Variants in MAPK10 observed in about 807,000 individuals in gnomAD.
MAPK10 encodes mitogen-activated protein kinase 10, also known as JNK3 alpha protein kinase.
Under a neutral mutation model 59.3 loss-of-function variants are expected in MAPK10, and 25 were observed. The observed-to-expected ratio is 0.42, with a 90% CI of 0.31 to 0.59. The LOEUF (loss-of-function observed/expected upper bound fraction) is 0.59, where lower values mean the gene tolerates loss of function less well. MAPK10 is among the 20% of genes least tolerant of loss of function. The pLI is 0.15. For missense variants in MAPK10, 351 were observed against 568.9 expected (o/e 0.62, Z 3.90); for synonymous variants, 190 against 200.5 (o/e 0.95, Z 0.44).
chr4:86,045,459 G>T (rs1047075058), intron 11 of MAPK10, among the ~76,000 whole-genome samples: 5 of 152,006 alleles, frequency 3.3e-5, no homozygotes, highest in African/African-American at 7.2e-5. Context: ...TCAATTATTA[G>T]CTTCTAAACA....
At chr4:86,286,433 T>A (rs572311479) in intron 2 of MAPK10, among the ~76,000 whole-genome samples, 1 of 152,270 alleles carries the variant, frequency 6.6e-6, no homozygotes, top group South Asian at 2.1e-4. Flanking sequence ...TAATAATAAT[T>A]ACAAATAACA....
At chr4:86,063,366 C>T (rs1419520111) in intron 11 of MAPK10, among the ~76,000 whole-genome samples, 2 of 152,204 alleles carry the variant, frequency 1.3e-5, no homozygotes, top group East Asian at 3.9e-4. Context: ...AGATTAAGAA[C>T]AAATCCAAAC....
intron 9 of MAPK10, among the ~76,000 whole-genome samples, chr4:86,070,812 T>C (rs1184632743): frequency 3.9e-5 from 6 of 152,022 alleles, no homozygotes; most frequent in Non-Finnish European, 1.5e-5. Context: ...TTGGGTTGGT[T>C]CCAAGTCTTT....
At chr4:86,502,134 T>C (rs1447063247) in intron 1 of MAPK10, among the ~76,000 whole-genome samples, 1 of 152,060 alleles carries the variant, frequency 6.6e-6, no homozygotes, top group African/African-American at 2.4e-5. Context: ...TTCTTCTGCC[T>C]CTTTAACGGC....
intron 3 of MAPK10, among the ~76,000 whole-genome samples, chr4:86,169,954 AGCC>A (rs1407510417): frequency 2.0e-5 from 3 of 152,224 alleles, no homozygotes. Context: ...TTTCATATCC[AGCC>A]AAACTAAGCT....
At chr4:86,252,256 G>C (rs2093480224) in intron 2 of MAPK10, among the ~76,000 whole-genome samples, 1 of 127,288 alleles carries the variant, frequency 7.9e-6, no homozygotes, top group Non-Finnish European at 1.6e-5. Context: ...CCACGCCTAT[G>C]TCCTGAATGG....
chr4:86,173,105 T>C (rs969842489), intron 3 of MAPK10, among the ~76,000 whole-genome samples: 2 of 147,818 alleles, frequency 1.4e-5, no homozygotes, highest in Non-Finnish European at 3.0e-5. Flanking sequence ...TTCACAGAAT[T>C]AGAAAAAAAA....
At chr4:86,278,684 T>C (rs943609718) in intron 2 of MAPK10, among the ~76,000 whole-genome samples, 1 of 152,134 alleles carries the variant, frequency 6.6e-6, no homozygotes, top group Non-Finnish European at 1.5e-5. Context: ...AACTGAGTGA[T>C]CAATGTTAAC....
At chr4:86,218,374 G>T (rs1478646777) in intron 2 of MAPK10, among the ~76,000 whole-genome samples, 1 of 151,978 alleles carries the variant, frequency 6.6e-6, no homozygotes, top group Non-Finnish European at 1.5e-5. Context: ...TAGAGACAGG[G>T]TTTCACTGTG....
intron 1 of MAPK10, chr4:86,358,841 T>C (rs2148979385): frequency 6.6e-6 from 1 of 152,242 alleles, no homozygotes; most frequent in East Asian, 1.9e-4. Flanking sequence ...CTCTGACATT[T>C]GCAGGGGACA....
chr4:86,291,631 C>A (rs550522708), intron 2 of MAPK10, among the ~76,000 whole-genome samples: 1 of 152,242 alleles, frequency 6.6e-6, no homozygotes, highest in African/African-American at 2.4e-5. Context: ...TGTAGATTTA[C>A]ATTTATACCG....
chr4:86,227,032 A>G (rs1293519051), intron 2 of MAPK10, among the ~76,000 whole-genome samples: 5 of 152,320 alleles, frequency 3.3e-5, no homozygotes, highest in African/African-American at 1.2e-4. Flanking sequence ...GTCCAATAAT[A>G]ACATATTGTG....
chr4:86,258,360 C>G (rs558285041), intron 2 of MAPK10, among the ~76,000 whole-genome samples: 7 of 152,084 alleles, frequency 4.6e-5, no homozygotes, highest in Admixed American at 6.5e-5. Flanking sequence ...TCCCCATTTT[C>G]CTTGTTCTCA....
intron 2 of MAPK10, among the ~76,000 whole-genome samples, chr4:86,213,206 C>T (rs1434664997): frequency 6.6e-6 from 1 of 151,808 alleles, no homozygotes; most frequent in African/African-American, 2.4e-5. Context: ...AAAAGCAATG[C>T]TAAGGGAGAA....
At chr4:86,425,243 A>G (rs948389643) in intron 1 of MAPK10, among the ~76,000 whole-genome samples, 3 of 152,232 alleles carry the variant, frequency 2.0e-5, no homozygotes, top group Non-Finnish European at 4.4e-5. Flanking sequence ...TTGGTTTAAC[A>G]GTATATATTA....
intron 1 of MAPK10, among the ~76,000 whole-genome samples, chr4:86,546,947 T>C (rs1167785123): frequency 2.0e-5 from 3 of 151,922 alleles, no homozygotes; most frequent in Non-Finnish European, 4.4e-5. Flanking sequence ...TCCCAGTTAC[T>C]CGGGAGGCTG....
At chr4:86,276,998 A>G (rs543786663) in intron 2 of MAPK10, 10 of 152,240 alleles carry the variant, frequency 6.6e-5, no homozygotes, top group Admixed American at 5.9e-4. Flanking sequence ...ACATCTCACC[A>G]ATAGAGTTGA....
At chr4:86,130,366 G>A (rs979610048) in intron 4 of MAPK10, among the ~76,000 whole-genome samples, 3 of 152,040 alleles carry the variant, frequency 2.0e-5, no homozygotes, top group African/African-American at 4.8e-5. Flanking sequence ...ATCAAGCAAA[G>A]TAGAAGTTTC....
intron 5 of MAPK10, among the ~76,000 whole-genome samples, chr4:86,105,192 G>T (rs111559026): frequency 1.2e-3 from 176 of 152,200 alleles, no homozygotes; most frequent in Non-Finnish European, 2.3e-3. Context: ...TATTATTAAA[G>T]ATTTAATGGG....
Sources: gnomAD v4.1 joint callset for allele counts (sites outside exome capture counted in the v4.1 genomes callset) on GRCh38, gnomAD v4.1.1 for gene constraint, MANE v1.5 for transcripts, NCBI Gene and HGNC (gene_info 2026-07-23, HGNC 2026-07-21) for gene names.